Variants in LMO1 observed in about 807,000 individuals in gnomAD.
The protein encoded by LMO1 is LIM domain only 1, also known as rhombotin-1.
Under a neutral mutation model 18.0 loss-of-function variants are expected in LMO1, and 10 were observed. That is an observed-to-expected ratio of 0.55 (90% CI 0.34 to 0.94). The LOEUF is 0.94. LMO1 is among the 40% of genes least tolerant of loss of function. The probability of loss-of-function intolerance (pLI) is 0.02; values close to 1 mark genes in which losing one functional copy is unlikely to be tolerated. For synonymous variants in LMO1, 77 were observed against 77.9 expected (o/e 0.99, Z 0.06); for missense variants, 183 against 205.7 (o/e 0.89, Z 0.68).
At chr11:8,260,785 G>A (rs531691935) in intron 1 of LMO1, among the ~76,000 whole-genome samples, 186 of 152,262 alleles carry the variant, frequency 1.2e-3, no homozygotes, top group African/African-American at 4.3e-3. Context: ...ATGCTGTCAG[G>A]TGGAGAAAAG....
At chr11:8,268,330 C>T, upstream of LMO1, 1 of 1,111,142 alleles carries the variant, frequency 9.0e-7, no homozygotes, top group Non-Finnish European at 1.2e-6. Flanking sequence ...AGGGCTCTGC[C>T]GCCGCTAGCG....
chr11:8,249,398 C>T (rs1383774320), intron 1 of LMO1, among the ~76,000 whole-genome samples: 1 of 152,188 alleles, frequency 6.6e-6, no homozygotes, highest in East Asian at 1.9e-4. Context: ...TTATCCCCTC[C>T]CATTTGCTCT....
intron 1 of LMO1, among the ~76,000 whole-genome samples, chr11:8,258,302 G>A (rs1011655620): frequency 6.6e-6 from 1 of 152,182 alleles, no homozygotes; most frequent in Admixed American, 6.5e-5. Context: ...CTATATGGGG[G>A]CACAGCTCTG....
At chr11:8,264,335 A>G (rs11041834), upstream of LMO1, among the ~76,000 whole-genome samples, 5 of 152,084 alleles carry the variant, frequency 3.3e-5, no homozygotes, top group South Asian at 1.0e-3. Flanking sequence ...CGAAGCAAGC[A>G]CAGGCATGGC....
intron 1 of LMO1, among the ~76,000 whole-genome samples, chr11:8,251,991 TGC>T (rs201080688): frequency 1.4e-3 from 161 of 113,934 alleles, no homozygotes; most frequent in East Asian, 9.8e-3. Context: ...TGTGGGGGTG[TGC>T]GTGTGTGTGT....
intron 1 of LMO1, among the ~76,000 whole-genome samples, chr11:8,241,765 G>A (rs551058697): frequency 6.9e-6 from 1 of 144,768 alleles, no homozygotes; most frequent in African/African-American, 2.6e-5. Context: ...ATTTGTAATT[G>A]TTTTACTTTT....
intron 1 of LMO1, among the ~76,000 whole-genome samples, chr11:8,245,588 T>C (rs148964610): frequency 1.0e-3 from 153 of 152,298 alleles, no homozygotes; most frequent in African/African-American, 3.6e-3. Flanking sequence ...AAAAGATTTA[T>C]CCAAAGTGCC....
At chr11:8,239,336 T>C (rs909528156) in intron 1 of LMO1, among the ~76,000 whole-genome samples, 4 of 152,182 alleles carry the variant, frequency 2.6e-5, no homozygotes, top group African/African-American at 9.7e-5. Context: ...CACAGGACTT[T>C]CCCACTCATC....
intron 1 of LMO1, among the ~76,000 whole-genome samples, chr11:8,243,871 G>C (rs928876613): frequency 6.6e-6 from 1 of 152,214 alleles, no homozygotes; most frequent in Non-Finnish European, 1.5e-5. Flanking sequence ...TCCTGCCTGG[G>C]TCCCTGTTGA....
intron 1 of LMO1, among the ~76,000 whole-genome samples, chr11:8,235,841 G>A (rs576902170): frequency 1.3e-5 from 2 of 152,322 alleles, no homozygotes; most frequent in Non-Finnish European, 2.9e-5. Flanking sequence ...GTTAATTTAT[G>A]TGATGTGCTA....
At chr11:8,237,386 C>T (rs1031562991) in intron 1 of LMO1, among the ~76,000 whole-genome samples, 5 of 152,198 alleles carry the variant, frequency 3.3e-5, no homozygotes, top group South Asian at 2.1e-4. Flanking sequence ...AACTTCATTT[C>T]GCACGGACAC....
At chr11:8,262,144 G>C (rs140029543) in intron 1 of LMO1, among the ~76,000 whole-genome samples, 1 of 152,230 alleles carries the variant, frequency 6.6e-6, no homozygotes, top group Non-Finnish European at 1.5e-5. Context: ...CGCTGCCCCA[G>C]GGACAGAGGG....
intron 1 of LMO1, among the ~76,000 whole-genome samples, chr11:8,255,992 A>T (rs1206826035): frequency 6.6e-6 from 1 of 151,762 alleles, no homozygotes; most frequent in African/African-American, 2.4e-5. Flanking sequence ...CGCCCGGCTA[A>T]TTTTTTGTAT....
chr11:8,240,735 G>A (rs969827328), intron 1 of LMO1, among the ~76,000 whole-genome samples: 4 of 151,870 alleles, frequency 2.6e-5, no homozygotes, highest in East Asian at 3.9e-4. Flanking sequence ...ACCCCCAAAC[G>A]GCCCCATCTC....
At position 8,263,737 on chromosome 11, in the gene LMO1, C is replaced by T. The variant is rs938030263; in HGVS notation, c.-375G>A. 2.8e-6 allele frequency: 3 copies of T among 1,089,054 alleles called. No individual in the cohort carries two copies. Among genetic ancestry groups the T allele is most frequent in the South Asian group, 8.8e-5 (2 of 22,622 alleles). 67.5% of individuals were successfully genotyped at this position (1,089,054 alleles called of 1,614,324 possible). ...TGTAATTGCATTTGATAGCTCATAA[C>T]CCTGTCTCTGGCAACGACACAGCTT... On this transcript the variant is annotated 5_prime_UTR_variant, in exon 1 of 4. Coordinates refer to ENST00000335790, the MANE Select transcript of LMO1 (RefSeq NM_002315.3).
At chr11:8,230,532 C>T (rs371006690) in intron 1 of LMO1, 28 bp from the exon 2 acceptor site, 2 of 1,599,558 alleles carry the variant, frequency 1.3e-6, no homozygotes, top group Non-Finnish European at 1.7e-6. Flanking sequence ...GACAGCAACG[C>T]AGGATGGGCC....
At chr11:8,244,881 G>T (rs1298467927) in intron 1 of LMO1, among the ~76,000 whole-genome samples, 1 of 152,196 alleles carries the variant, frequency 6.6e-6, no homozygotes, top group Non-Finnish European at 1.5e-5. Flanking sequence ...TTCCTGGCCA[G>T]CCCAAGCAAG....
chr11:8,237,117 T>C (rs1432304745), intron 1 of LMO1, among the ~76,000 whole-genome samples: 8 of 151,246 alleles, frequency 5.3e-5, no homozygotes, highest in African/African-American at 1.9e-4. Context: ...TACCCAGAAG[T>C]TGATCCCACA....
At chr11:8,229,213 T>G (rs1189356119) in intron 2 of LMO1, among the ~76,000 whole-genome samples, 1 of 152,190 alleles carries the variant, frequency 6.6e-6, no homozygotes, top group Non-Finnish European at 1.5e-5. Context: ...AACCCCTGCT[T>G]CTGGTCTCAG....
Sources: gnomAD v4.1 joint callset for allele counts (sites outside exome capture counted in the v4.1 genomes callset) on GRCh38, gnomAD v4.1.1 for gene constraint, MANE v1.5 for transcripts, NCBI Gene and HGNC (gene_info 2026-07-23, HGNC 2026-07-21) for gene names.